The following NTM variants were observed in gnomAD, a reference collection of about 807,000 sequenced individuals.
NTM encodes neurotrimin.
NTM carries 13 observed loss-of-function variants against 42.1 expected under a neutral mutation model. That is an observed-to-expected ratio of 0.31 (90% CI 0.20 to 0.49). The LOEUF is 0.49. Ranked by LOEUF, NTM falls within the 20% of genes least tolerant of loss-of-function variation. The pLI is 0.99. For synonymous variants in NTM, 187 were observed against 179.2 expected (o/e 1.04, Z -0.35); for missense variants, 373 against 452.8 (o/e 0.82, Z 1.60).
At chr11:131,579,866 T>C (rs1011946901) in intron 1 of NTM, among the ~76,000 whole-genome samples, 3 of 152,202 alleles carry the variant, frequency 2.0e-5, no homozygotes, top group African/African-American at 7.2e-5. Context: ...TCTATATTTC[T>C]ATAAAAACTA....
intron 1 of NTM, among the ~76,000 whole-genome samples, chr11:131,659,304 G>A (rs770966587): frequency 6.6e-6 from 1 of 152,224 alleles, no homozygotes; most frequent in Non-Finnish European, 1.5e-5. Context: ...CACATTTAAA[G>A]TATTGTTGCA....
At chr11:131,949,763 T>G (rs2060773335) in intron 2 of NTM, among the ~76,000 whole-genome samples, 2 of 152,172 alleles carry the variant, frequency 1.3e-5, no homozygotes, top group African/African-American at 4.8e-5. Context: ...CAGCTAGTGC[T>G]GTCAGCTTTT....
At chr11:131,960,625 GAGTCAGTTA>G (rs1334102425) in intron 2 of NTM, among the ~76,000 whole-genome samples, 3 of 152,222 alleles carry the variant, frequency 2.0e-5, no homozygotes, top group African/African-American at 7.2e-5. Context: ...CTGGACCCAA[GAGTCAGTTA>G]AATGAAGGTA....
chr11:131,790,235 G>A (rs2090738530), intron 1 of NTM, among the ~76,000 whole-genome samples: 1 of 151,994 alleles, frequency 6.6e-6, no homozygotes, highest in South Asian at 2.1e-4. Context: ...AAATTATTTG[G>A]GCAAGCTGAA....
At chr11:132,188,741 T>G (rs1280338043) in intron 3 of NTM, among the ~76,000 whole-genome samples, 1 of 152,158 alleles carries the variant, frequency 6.6e-6, no homozygotes, top group Non-Finnish European at 1.5e-5. Context: ...TCACAATTAT[T>G]AAATATTGAT....
chr11:131,958,075 C>A (rs1441423844), intron 2 of NTM, among the ~76,000 whole-genome samples: 1 of 152,212 alleles, frequency 6.6e-6, no homozygotes, highest in Non-Finnish European at 1.5e-5. Flanking sequence ...TAGATGCCGA[C>A]ACCACCTCTG....
At chr11:132,046,043 T>C (rs959834551) in intron 2 of NTM, among the ~76,000 whole-genome samples, 2 of 152,220 alleles carry the variant, frequency 1.3e-5, no homozygotes, top group African/African-American at 2.4e-5. Flanking sequence ...CCTTCCCCTT[T>C]TAGACTATAA....
Position 132,003,033 on chromosome 11 carries a change from G to A in NTM, c.167+91385G>A, listed in dbSNP as rs944794077. Among the ~76,000 whole-genome samples, 1 of 152,132 alleles carries A rather than the reference G, an allele frequency of 6.6e-6. No homozygotes were observed. The highest frequency in any genetic ancestry group is 2.1e-4 in the South Asian group (1 of 4,834). On this transcript the variant is annotated intron_variant, in intron 2 of 8. Transcript: ENST00000683400. This position sits in a 1 kb window ranked among gnomAD's most constrained non-coding sequence, Gnocchi z 6.0. Reference sequence around the variant, plus strand: ...AGCTGATTTCTGGCTTAGAAGTTAGGGTTAGGAAAGTAACTAGTGAGCGCA... The same window carrying A: ...AGCTGATTTCTGGCTTAGAAGTTAGAGTTAGGAAAGTAACTAGTGAGCGCA...
intron 2 of NTM, among the ~76,000 whole-genome samples, chr11:132,024,111 C>G (rs975199666): frequency 3.3e-5 from 5 of 151,806 alleles, no homozygotes; most frequent in African/African-American, 1.2e-4. Flanking sequence ...AGCTACTGCA[C>G]CCAGCATTTT....
chr11:131,689,098 C>T (rs1243313274), intron 1 of NTM, among the ~76,000 whole-genome samples: 1 of 151,490 alleles, frequency 6.6e-6, no homozygotes, highest in Non-Finnish European at 1.5e-5. Flanking sequence ...CCCGCAGCCC[C>T]CGAGGAAGGA....
chr11:132,281,760 A>G (rs1043663465), intron 4 of NTM, among the ~76,000 whole-genome samples: 8 of 152,218 alleles, frequency 5.3e-5, no homozygotes. Flanking sequence ...GGTTAATTGC[A>G]TCATCTAGGA....
At position 132,228,755 on chromosome 11, in the gene NTM, C is replaced by T. The variant is rs548016980; in HGVS notation, c.526+16608C>T. ...CTGCTTCTGAGCGGTCACGTTCCTC[C>T]GTGTGCTGACATGTCTTCTCTCTGC... On this transcript the variant is annotated intron_variant, in intron 4 of 8. Transcript: ENST00000683400. Among the ~76,000 whole-genome samples the T allele has an allele frequency of 8.9e-4, 135 of 152,330 alleles. 1 individual carries two copies. Among genetic ancestry groups the T allele is most frequent in the African/African-American group, 3.1e-3 (129 of 41,584 alleles).
chr11:131,925,552 A>AT (rs1460747358), intron 2 of NTM, among the ~76,000 whole-genome samples: 7 of 151,616 alleles, frequency 4.6e-5, no homozygotes, highest in Non-Finnish European at 1.5e-5. Context: ...TGCCCAGCTG[A>AT]TTTTTGTATT....
chr11:132,034,552 A>G (rs1287042086), intron 2 of NTM, among the ~76,000 whole-genome samples: 1 of 152,216 alleles, frequency 6.6e-6, no homozygotes, highest in Non-Finnish European at 1.5e-5. Flanking sequence ...TCCAGATGAA[A>G]TCCCAGAGGG....
chr11:132,126,912 T>C (rs2065933832), intron 2 of NTM, among the ~76,000 whole-genome samples: 1 of 152,196 alleles, frequency 6.6e-6, no homozygotes. Flanking sequence ...AAGCATCTGC[T>C]CCTTTCAAAT....
intron 1 of NTM, among the ~76,000 whole-genome samples, chr11:131,874,065 A>ATATACATATATATATATC (rs1565659857): frequency 8.3e-5 from 5 of 60,196 alleles, no homozygotes; most frequent in African/African-American, 2.1e-4. Context: ...ATATATATAT[A>ATATACATATATATATATC]TATCAGCAAC....
intron 2 of NTM, among the ~76,000 whole-genome samples, chr11:131,964,322 C>T (rs74515364): frequency 0.02 from 3,085 of 152,162 alleles, 96 homozygotes; most frequent in African/African-American, 0.067. Context: ...TGAAATTTCC[C>T]CCAGACTTCT....
chr11:131,564,158 C>G (rs1006204762), intron 1 of NTM, among the ~76,000 whole-genome samples: 1 of 152,258 alleles, frequency 6.6e-6, no homozygotes, highest in Admixed American at 6.5e-5. Context: ...TAGTCAGTAT[C>G]TACTCCATTT....
At chr11:131,839,903 A>G (rs1176570303) in intron 1 of NTM, among the ~76,000 whole-genome samples, 1 of 152,198 alleles carries the variant, frequency 6.6e-6, no homozygotes, top group Non-Finnish European at 1.5e-5. Flanking sequence ...GAGACACATG[A>G]CTTCCAAAAG....
Sources: allele counts gnomAD v4.1 joint callset (sites outside exome capture counted in the v4.1 genomes callset), GRCh38; gene constraint gnomAD v4.1.1; non-coding constraint Gnocchi (gnomAD v3.1); transcripts MANE v1.5; gene names NCBI Gene and HGNC (gene_info 2026-07-23, HGNC 2026-07-21).